Variants in MBOAT2 observed in about 807,000 individuals in gnomAD.
MBOAT2 encodes the protein membrane-bound glycerophospholipid O-acyltransferase 2.
MBOAT2 carries 28 observed loss-of-function variants against 63.4 expected under a neutral mutation model. That is an observed-to-expected ratio of 0.44 (90% confidence interval 0.33 to 0.61). The LOEUF is 0.61. MBOAT2 is among the 20% of genes least tolerant of loss of function. The pLI, the probability that MBOAT2 is intolerant of heterozygous loss-of-function variation, is 0.03. For synonymous variants in MBOAT2, 211 were observed against 215.6 expected (o/e 0.98, Z 0.19); for missense variants, 470 against 605.8 (o/e 0.78, Z 2.35).
chr2:8,877,548 T>C (rs1207679977), intron 6 of MBOAT2, among the ~76,000 whole-genome samples: 2 of 152,248 alleles, frequency 1.3e-5, no homozygotes, highest in African/African-American at 2.4e-5. Context: ...CTGTGCACTG[T>C]GTGCCCCACC....
rs761363613 is a variant in MBOAT2 at position 8,864,251 on chromosome 2, CTTT to C, written c.988-20_988-18del. On this transcript the variant is annotated intron_variant, in intron 9 of 12. Transcript: ENST00000305997. ...TGTTGACATCTGAAAAAAAAGGAAA[CTTT>C]TTTCTTTGTGTCACAAAATAATGAA... 1.1e-4 allele frequency: 171 copies of C among 1,502,012 alleles called. No homozygotes were observed. Among genetic ancestry groups the C allele is most frequent in the Non-Finnish European group, 1.5e-4 (165 of 1,113,340 alleles). 93.0% of individuals were successfully genotyped at this position (1,502,012 alleles called of 1,614,324 possible).
At chr2:8,981,681 G>A (rs1671202968) in intron 1 of MBOAT2, among the ~76,000 whole-genome samples, 2 of 152,018 alleles carry the variant, frequency 1.3e-5, no homozygotes, top group South Asian at 4.1e-4. Flanking sequence ...AAGAGGGAGG[G>A]GGAAACAGGA....
intron 3 of MBOAT2, among the ~76,000 whole-genome samples, chr2:8,940,873 G>A: frequency 6.6e-6 from 1 of 152,028 alleles, no homozygotes; most frequent in Admixed American, 6.6e-5. Context: ...CTTAAACTCT[G>A]GCTAGTCAAA....
chr2:8,884,001 T>C (rs1223064340), intron 5 of MBOAT2, among the ~76,000 whole-genome samples: 3 of 149,198 alleles, frequency 2.0e-5, no homozygotes, highest in African/African-American at 4.9e-5. Context: ...GGCGGGTGGA[T>C]CACCTGAGGC....
intron 6 of MBOAT2, among the ~76,000 whole-genome samples, chr2:8,881,728 A>G (rs371835881): frequency 2.6e-5 from 4 of 152,176 alleles, no homozygotes; most frequent in African/African-American, 9.7e-5. Context: ...GGGATATCAG[A>G]ATAGAACATT....
chr2:8,924,030 G>A lies in MBOAT2; in HGVS notation c.300-15314C>T, dbSNP rs75760938. Among the ~76,000 whole-genome samples, 309 of 152,270 alleles carry A rather than the reference G, an allele frequency of 2.0e-3. 1 individual carries two copies. Among genetic ancestry groups the A allele is most frequent in the African/African-American group, 7.0e-3 (290 of 41,536 alleles). On this transcript the variant is annotated intron_variant, in intron 3 of 12. Coordinates refer to ENST00000305997, the MANE Select transcript of MBOAT2 (RefSeq NM_138799.4). ...AAACATCTATGCTTAGTAAAGTACT[G>A]GTAGTAAGAACAGACAGCCAACCCT...
chr2:8,903,572 C>T (rs199505499), intron 4 of MBOAT2, among the ~76,000 whole-genome samples: 5 of 152,070 alleles, frequency 3.3e-5, no homozygotes, highest in East Asian at 3.9e-4. Context: ...AATCTGTTCT[C>T]GCTTCCATCT....
intron 1 of MBOAT2, among the ~76,000 whole-genome samples, chr2:8,964,025 T>C (rs1217329752): frequency 2.0e-5 from 3 of 152,178 alleles, no homozygotes; most frequent in Non-Finnish European, 4.4e-5. Context: ...CCAGAAACAC[T>C]AGACACTAAA....
intron 3 of MBOAT2, among the ~76,000 whole-genome samples, chr2:8,916,719 T>C (rs1057239902): frequency 1.1e-4 from 17 of 152,380 alleles, no homozygotes; most frequent in South Asian, 4.1e-4. Context: ...TTCTCAGGCT[T>C]AGACGGCTTT....
intron 3 of MBOAT2, among the ~76,000 whole-genome samples, chr2:8,909,617 T>C (rs530742590): frequency 5.8e-4 from 88 of 152,350 alleles, no homozygotes; most frequent in African/African-American, 2.1e-3. Flanking sequence ...ATCTTTGTCA[T>C]GTAGGCAGTT....
chr2:8,902,109 C>A (rs1252748861), intron 4 of MBOAT2, among the ~76,000 whole-genome samples: 4 of 152,148 alleles, frequency 2.6e-5, no homozygotes, highest in African/African-American at 4.8e-5. Context: ...AAGCTGGTTC[C>A]AGGCAAACCA....
At chr2:8,939,418 C>T (rs1667891775) in intron 3 of MBOAT2, among the ~76,000 whole-genome samples, 1 of 152,184 alleles carries the variant, frequency 6.6e-6, no homozygotes, top group Non-Finnish European at 1.5e-5. Flanking sequence ...AAGAAAACGG[C>T]AGGACAGAGT....
In MBOAT2 at chr2:8,862,726, G is replaced by T; in HGVS notation, c.1053-4C>A. On this transcript the variant is annotated splice_polypyrimidine_tract_variant and splice_region_variant and intron_variant, in intron 10 of 12. Transcript: ENST00000305997. The surrounding 1 kb of genome is among the most constrained non-coding windows in gnomAD (Gnocchi z 4.3). ...GGAGGTTCGTTCATAACACACCCTA[G>T]AAACCATGAAAAACATGGAGAGCCA... The T allele has an allele frequency of 6.2e-7, 1 of 1,605,238 alleles. No homozygotes were observed. Among genetic ancestry groups the T allele is most frequent in the Non-Finnish European group, 8.5e-7 (1 of 1,177,414 alleles).
At chr2:8,989,102 G>T (rs1326111728) in intron 1 of MBOAT2, among the ~76,000 whole-genome samples, 1 of 152,192 alleles carries the variant, frequency 6.6e-6, no homozygotes, top group East Asian at 1.9e-4. Flanking sequence ...TTTGAGATTT[G>T]CCTGGATAAC....
At chr2:8,926,987 A>C (rs1289915099) in intron 3 of MBOAT2, among the ~76,000 whole-genome samples, 1 of 152,220 alleles carries the variant, frequency 6.6e-6, no homozygotes, top group African/African-American at 2.4e-5. Flanking sequence ...ACCAAAGCAC[A>C]GACAGGTCTT....
rs1661032712 is a variant in MBOAT2 at position 8,855,627 on chromosome 2, TA to T, written c.*3051del. ...CCTGCCGGATATTTTAGAAGCTAAATAAATTCCCCCAATTACCCTGAGTTCC... is the reference window on the plus strand; with the variant it reads ...CCTGCCGGATATTTTAGAAGCTAAATAATTCCCCCAATTACCCTGAGTTCC... On this transcript the variant is annotated 3_prime_UTR_variant, in exon 13 of 13. Transcript: ENST00000305997. The T allele has an allele frequency of 6.6e-6, 1 of 152,172 alleles. No homozygotes were observed. The highest frequency in any genetic ancestry group is 6.5e-5 in the Admixed American group (1 of 15,284). The allele number at this position is 152,172 out of a possible 1,614,324, so 9.4% of individuals were successfully genotyped here. A position where few individuals can be genotyped will look rare whatever the true frequency, so the allele number is the denominator to read the frequency against.
chr2:8,990,770 T>C (rs1671871345), intron 1 of MBOAT2, among the ~76,000 whole-genome samples: 1 of 152,208 alleles, frequency 6.6e-6, no homozygotes, highest in Admixed American at 6.5e-5. Flanking sequence ...TGAGGCTCAA[T>C]GTTTGATGCC....
chr2:8,941,547 C>G (rs781277528), intron 3 of MBOAT2, among the ~76,000 whole-genome samples: 2 of 151,818 alleles, frequency 1.3e-5, no homozygotes, highest in Admixed American at 6.6e-5. Flanking sequence ...GCCTGTAATC[C>G]CAGCTACTCC....
rs114998859 is a variant in MBOAT2, at chr2:8,895,166, G to T, written c.396-7093C>A. On this transcript the variant is annotated intron_variant, in intron 4 of 12. Coordinates refer to ENST00000305997, the MANE Select transcript of MBOAT2 (RefSeq NM_138799.4). ...CGGACCCTAGCGGGAGCCACTGCTG[G>T]CTCACCTGGCCTGCTTTTATTCCCT... 1.1e-4 allele frequency among the ~76,000 whole-genome samples: 17 copies of T among 152,358 alleles called. No homozygotes were observed. The South Asian group carries it at 3.3e-3, about 30-fold the overall frequency.
Sources: allele counts gnomAD v4.1 joint callset (sites outside exome capture counted in the v4.1 genomes callset), GRCh38; gene constraint gnomAD v4.1.1; non-coding constraint Gnocchi (gnomAD v3.1); transcripts MANE v1.5; gene names NCBI Gene and HGNC (gene_info 2026-07-23, HGNC 2026-07-21).